The following SYT1 variants were observed in gnomAD, a reference collection of about 807,000 sequenced individuals.
The protein encoded by SYT1 is synaptotagmin-1.
Under a neutral mutation model 44.8 loss-of-function variants are expected in SYT1, and 8 were observed. The ratio of observed to expected loss-of-function variants is 0.18; its 90% CI spans 0.10 to 0.32. The LOEUF (loss-of-function observed/expected upper bound fraction) is 0.32. Ranked by LOEUF, SYT1 falls within the 10% of genes least tolerant of loss-of-function variation. SYT1 has a pLI of 1.00. For missense variants in SYT1, 286 were observed against 509.3 expected, an observed-to-expected ratio of 0.56 and a Z score of 4.22; for synonymous variants, 154 against 188.8, an observed-to-expected ratio of 0.82 and a Z score of 1.51.
intron 1 of SYT1, among the ~76,000 whole-genome samples, chr12:78,911,043 G>A (rs1876291049): frequency 6.6e-6 from 1 of 152,010 alleles, no homozygotes; most frequent in Non-Finnish European, 1.5e-5. Flanking sequence ...GAAGGCCACT[G>A]AAAGGTGTTG....
At chr12:79,143,608 T>C (rs2138224816) in intron 3 of SYT1, among the ~76,000 whole-genome samples, 1 of 152,350 alleles carries the variant, frequency 6.6e-6, no homozygotes, top group East Asian at 1.9e-4. Flanking sequence ...AACCCAGTCA[T>C]TTTATGTTGA....
intron 4 of SYT1, among the ~76,000 whole-genome samples, chr12:79,285,395 A>G (rs546025861): frequency 6.6e-6 from 1 of 152,314 alleles, no homozygotes; most frequent in Admixed American, 6.5e-5. Context: ...AGAGATGAGG[A>G]AAGTGAGGCA....
intron 4 of SYT1, among the ~76,000 whole-genome samples, chr12:79,257,797 A>G (rs569718671): frequency 1.3e-5 from 2 of 152,348 alleles, no homozygotes; most frequent in East Asian, 3.9e-4. Flanking sequence ...ACCGAGAAAG[A>G]AAAGCATCTG....
At chr12:78,985,950 A>G (rs968035891) in intron 2 of SYT1, among the ~76,000 whole-genome samples, 13 of 152,066 alleles carry the variant, frequency 8.5e-5, no homozygotes, top group African/African-American at 3.1e-4. Context: ...AAGGAGGGAA[A>G]AATAAAAACA....
intron 3 of SYT1, among the ~76,000 whole-genome samples, chr12:79,080,446 G>T (rs760847399): frequency 6.6e-6 from 1 of 152,018 alleles, no homozygotes; most frequent in Non-Finnish European, 1.5e-5. Flanking sequence ...GTTAGAGAAA[G>T]TTCTGCTATA....
chr12:79,228,133 C>A (rs555505530), intron 4 of SYT1, among the ~76,000 whole-genome samples: 1 of 151,618 alleles, frequency 6.6e-6, no homozygotes, highest in South Asian at 2.1e-4. Context: ...TAATGCCTAG[C>A]AAAATTCCAT....
At chr12:79,260,620 T>C (rs1347987826) in intron 4 of SYT1, among the ~76,000 whole-genome samples, 1 of 152,228 alleles carries the variant, frequency 6.6e-6, no homozygotes, top group Non-Finnish European at 1.5e-5. Flanking sequence ...GTTTGAACTT[T>C]CTCAGGTGGT....
At chr12:78,973,888 T>C (rs1481768965) in intron 1 of SYT1, among the ~76,000 whole-genome samples, 1 of 110,534 alleles carries the variant, frequency 9.0e-6, no homozygotes, top group East Asian at 3.0e-4. Flanking sequence ...TCAAAGCAAC[T>C]ATAGCAGCAA....
intron 3 of SYT1, among the ~76,000 whole-genome samples, chr12:79,090,498 G>A (rs1375912650): frequency 2.6e-5 from 4 of 151,826 alleles, no homozygotes; most frequent in Admixed American, 6.6e-5. Context: ...TGAAGAATTC[G>A]CCCCATCAGA....
intron 4 of SYT1, among the ~76,000 whole-genome samples, chr12:79,251,067 G>C (rs1877183225): frequency 1.3e-5 from 2 of 152,116 alleles, no homozygotes; most frequent in African/African-American, 4.8e-5. Context: ...CTACCCTTCT[G>C]TTGCCTTTTC....
chr12:78,903,003 T>TAGGG (rs1411730509), intron 1 of SYT1, among the ~76,000 whole-genome samples: 1 of 152,134 alleles, frequency 6.6e-6, no homozygotes, highest in African/African-American at 2.4e-5. Context: ...AAAGAGGAAT[T>TAGGG]AGGGTCATAG....
chr12:79,293,051 G>A lies in SYT1; in HGVS notation c.474+921G>A, dbSNP rs1372268684. ...AGACAGGCAGGGTGCAGTGGCTCAGGCCTGTAATCCCAGCACTTTGGGAGG... is the reference window on the plus strand; with the variant it reads ...AGACAGGCAGGGTGCAGTGGCTCAGACCTGTAATCCCAGCACTTTGGGAGG... On this transcript the variant is annotated intron_variant, in intron 6 of 10. Coordinates refer to ENST00000261205, the MANE Select transcript of SYT1 (RefSeq NM_005639.3). 5.9e-5 allele frequency among the ~76,000 whole-genome samples: 9 copies of A among 151,712 alleles called. No individual in the cohort carries two copies. In the East Asian group the frequency reaches 1.8e-3, roughly 30 times the overall value.
At chr12:79,029,255 G>T (rs1872700473) in intron 2 of SYT1, among the ~76,000 whole-genome samples, 1 of 150,650 alleles carries the variant, frequency 6.6e-6, no homozygotes, top group African/African-American at 2.4e-5. Context: ...AAAAGAGCCT[G>T]AGAAAATTAC....
intron 8 of SYT1, among the ~76,000 whole-genome samples, chr12:79,347,041 C>CTTTTTT (rs59524429): frequency 7.9e-6 from 1 of 125,946 alleles, no homozygotes; most frequent in Non-Finnish European, 1.7e-5. Context: ...TTTGTTTTTT[C>CTTTTTT]TTTTTTTTTT....
chr12:79,119,521 T>C (rs1879478393), intron 3 of SYT1, among the ~76,000 whole-genome samples: 1 of 152,146 alleles, frequency 6.6e-6, no homozygotes, highest in South Asian at 2.1e-4. Flanking sequence ...GAGAAGGTCC[T>C]TCTTATCTAC....
At chr12:79,359,988 A>T (rs1327062701) in intron 9 of SYT1, among the ~76,000 whole-genome samples, 3 of 152,148 alleles carry the variant, frequency 2.0e-5, no homozygotes, top group Non-Finnish European at 4.4e-5. Context: ...AAAAACTAAG[A>T]TTTCAAGGAC....
At chr12:78,931,296 AAGGAAGGAAGGAGAGGGAGGGAGG>A (rs1877688997) in intron 1 of SYT1, among the ~76,000 whole-genome samples, 2 of 84,672 alleles carry the variant, frequency 2.4e-5, no homozygotes, top group Non-Finnish European at 2.5e-5. Context: ...GGAAGGAAGG[AAGGAAGGAAGGAGAGGGAGGGAGG>A]GAGGGAGGGA....
intron 10 of SYT1, among the ~76,000 whole-genome samples, chr12:79,448,616 C>T (rs1218178628): frequency 6.6e-6 from 1 of 152,156 alleles, no homozygotes; most frequent in African/African-American, 2.4e-5. Flanking sequence ...CAACTCATTC[C>T]TTAAACAACC....
intron 3 of SYT1, among the ~76,000 whole-genome samples, chr12:79,054,868 T>G (rs1243233929): frequency 6.6e-6 from 1 of 151,946 alleles, no homozygotes; most frequent in Admixed American, 6.6e-5. Context: ...TGTCAAATGA[T>G]TCAGTGTTTT....
Sources: gnomAD v4.1 joint callset for allele counts (sites outside exome capture counted in the v4.1 genomes callset) on GRCh38, gnomAD v4.1.1 for gene constraint, MANE v1.5 for transcripts, NCBI Gene and HGNC (gene_info 2026-07-23, HGNC 2026-07-21) for gene names.